The following ASIC2 variants were observed in gnomAD, a reference collection of about 807,000 sequenced individuals.
The protein encoded by ASIC2 is acid sensing ion channel subunit 2.
In ASIC2, 25 loss-of-function variants were observed where a neutral mutation model predicts 57.3. The observed-to-expected ratio is 0.44, with a 90% CI of 0.32 to 0.61. The LOEUF is 0.61. Among genes scored for constraint, ASIC2 ranks in the 20% least tolerant of loss-of-function variants. ASIC2 has a pLI of 0.06. For synonymous variants in ASIC2, 319 were observed against 307.5 expected, an observed-to-expected ratio of 1.04 and a Z score of -0.39; for missense variants, 641 against 738.1, an observed-to-expected ratio of 0.87 and a Z score of 1.52.
chr17:33,783,606 G>A (rs1911520702), intron 1 of ASIC2, among the ~76,000 whole-genome samples: 2 of 152,222 alleles, frequency 1.3e-5, no homozygotes, highest in South Asian at 4.1e-4. Context: ...GGTGGTGTCT[G>A]GGCCACCCAT....
At chr17:33,594,157 A>G (rs926879405) in intron 1 of ASIC2, among the ~76,000 whole-genome samples, 1 of 152,222 alleles carries the variant, frequency 6.6e-6, no homozygotes, top group East Asian at 1.9e-4. Flanking sequence ...CCAGGCTGCC[A>G]TTGGCCCTCC....
intron 1 of ASIC2, among the ~76,000 whole-genome samples, chr17:34,077,481 C>T (rs1909713355): frequency 6.6e-6 from 1 of 152,172 alleles, no homozygotes; most frequent in African/African-American, 2.4e-5. Context: ...AGCTTTGGGG[C>T]TGATTGAAAG....
chr17:34,146,779 G>A (rs1252206128), intron 1 of ASIC2: 3 of 152,210 alleles, frequency 2.0e-5, no homozygotes, highest in African/African-American at 7.2e-5. Flanking sequence ...AGAGGATCTG[G>A]GCTGACCAAC....
Position 33,916,442 on chromosome 17 carries a change from C to T in ASIC2, c.555+239536G>A, listed in dbSNP as rs566696874. Among the ~76,000 whole-genome samples, 246 of 152,314 alleles carry T rather than the reference C, an allele frequency of 1.6e-3. 2 individuals carry two copies. The highest frequency in any genetic ancestry group is 3.1e-3 in the Non-Finnish European group (214 of 68,022). ...GAGAACCAAAGTAGGATCCTGGTGACATCATCTGAATCCCTGAATCATGCC... is the reference window on the plus strand; with the variant it reads ...GAGAACCAAAGTAGGATCCTGGTGATATCATCTGAATCCCTGAATCATGCC... On this transcript the variant is annotated intron_variant, in intron 1 of 9. Coordinates refer to the ASIC2 transcript ENST00000359872.
chr17:33,823,622 A>G (rs1250211762), intron 1 of ASIC2, among the ~76,000 whole-genome samples: 4 of 152,186 alleles, frequency 2.6e-5, no homozygotes, highest in African/African-American at 9.7e-5. Flanking sequence ...TTCATTATGT[A>G]TGTCCTTTCT....
At chr17:33,977,914 C>T (rs983595201) in intron 1 of ASIC2, among the ~76,000 whole-genome samples, 1 of 152,220 alleles carries the variant, frequency 6.6e-6, no homozygotes, top group African/African-American at 2.4e-5. Context: ...GTGTCTGCAG[C>T]TGCCTGCCTG....
intron 1 of ASIC2, among the ~76,000 whole-genome samples, chr17:34,130,704 G>A (rs1410375599): frequency 6.6e-6 from 1 of 152,226 alleles, no homozygotes; most frequent in Non-Finnish European, 1.5e-5. Flanking sequence ...TCCCATCTGG[G>A]CAGCAAGCTC....
chr17:34,083,601 G>A (rs889033513), intron 1 of ASIC2, among the ~76,000 whole-genome samples: 1 of 152,158 alleles, frequency 6.6e-6, no homozygotes, highest in Non-Finnish European at 1.5e-5. Context: ...TCGCCACACT[G>A]ACTTCCACAA....
chr17:33,301,082 G>A (rs1313945912), intron 1 of ASIC2, among the ~76,000 whole-genome samples: 1 of 152,052 alleles, frequency 6.6e-6, no homozygotes, highest in African/African-American at 2.4e-5. Context: ...AGGCGGGAGT[G>A]CAGTGGTGGT....
chr17:33,065,129 C>A (rs1253688822), intron 3 of ASIC2, among the ~76,000 whole-genome samples: 1 of 151,896 alleles, frequency 6.6e-6, no homozygotes, highest in East Asian at 1.9e-4. Context: ...GTTTAATTTA[C>A]TGAAATTAAT....
At chr17:33,162,584 CT>C (rs1407369443) in intron 1 of ASIC2, among the ~76,000 whole-genome samples, 4 of 152,216 alleles carry the variant, frequency 2.6e-5, no homozygotes, top group Non-Finnish European at 5.9e-5. Flanking sequence ...CTGATCCCCA[CT>C]CTGGAATGTG....
At chr17:33,490,326 A>G (rs1295860197) in intron 1 of ASIC2, among the ~76,000 whole-genome samples, 1 of 152,246 alleles carries the variant, frequency 6.6e-6, no homozygotes, top group Non-Finnish European at 1.5e-5. Flanking sequence ...TGGCTACATG[A>G]TACCCCGTTA....
At chr17:33,843,233 G>A (rs1228123386) in intron 1 of ASIC2, among the ~76,000 whole-genome samples, 1 of 152,204 alleles carries the variant, frequency 6.6e-6, no homozygotes, top group Non-Finnish European at 1.5e-5. Context: ...TGTGGTCCAA[G>A]AACCTACTAT....
chr17:33,610,983 C>A (rs1328812902), intron 1 of ASIC2, among the ~76,000 whole-genome samples: 1 of 152,182 alleles, frequency 6.6e-6, no homozygotes, highest in Non-Finnish European at 1.5e-5. Context: ...TCCCTCCAGG[C>A]ATCTAGGAAT....
At chr17:34,030,489 G>A (rs950052752) in intron 1 of ASIC2, among the ~76,000 whole-genome samples, 1 of 152,218 alleles carries the variant, frequency 6.6e-6, no homozygotes, top group Non-Finnish European at 1.5e-5. Flanking sequence ...ATCTCACTGG[G>A]GAGTGCCAGA....
Position 34,000,601 on chromosome 17 carries a change from G to A in ASIC2, c.555+155377C>T, listed in dbSNP as rs1906308631. 2.6e-5 allele frequency among the ~76,000 whole-genome samples: 4 copies of A among 152,166 alleles called. No homozygotes were observed. In the South Asian group the frequency reaches 8.3e-4, roughly 32 times the overall value. On this transcript the variant is annotated intron_variant, in intron 1 of 9. Coordinates refer to the ASIC2 transcript ENST00000359872. ...ATCTGGAGTTCTTTGGGCTTCATAG[G>A]TATGAGTGTTCATTACTCTCTCCAG...
At chr17:34,066,841 A>G (rs1196032037) in intron 1 of ASIC2, among the ~76,000 whole-genome samples, 1 of 152,204 alleles carries the variant, frequency 6.6e-6, no homozygotes, top group African/African-American at 2.4e-5. Flanking sequence ...ACTCGAAATC[A>G]GAGAAGGTCA....
At chr17:33,516,805 C>T (rs1914585596) in intron 1 of ASIC2, among the ~76,000 whole-genome samples, 1 of 152,180 alleles carries the variant, frequency 6.6e-6, no homozygotes, top group Non-Finnish European at 1.5e-5. Flanking sequence ...CACCCTCCTC[C>T]CTCCCATGCC....
chr17:34,054,640 C>T (rs1256998909), intron 1 of ASIC2, among the ~76,000 whole-genome samples: 3 of 152,156 alleles, frequency 2.0e-5, no homozygotes, highest in South Asian at 4.1e-4. Flanking sequence ...GATATTTGCT[C>T]CAACTGCATC....
Sources: allele counts gnomAD v4.1 joint callset (sites outside exome capture counted in the v4.1 genomes callset), GRCh38; gene constraint gnomAD v4.1.1; transcripts MANE v1.5; gene names NCBI Gene and HGNC (gene_info 2026-07-23, HGNC 2026-07-21).